TMEM245: variants seen among roughly 807,000 people sequenced by gnomAD.
TMEM245 encodes protein CG-2.
Under a neutral mutation model 101.2 loss-of-function variants are expected in TMEM245, and 69 were observed. That is an observed-to-expected ratio of 0.68 (90% CI 0.56 to 0.83). The LOEUF is 0.83. Ranked by LOEUF, TMEM245 falls within the 40% of genes least tolerant of loss-of-function variation. The pLI is 0.00. For synonymous variants in TMEM245, 537 were observed against 449.8 expected, an observed-to-expected ratio of 1.19 and a Z score of -2.45; for missense variants, 1,075 against 1,092.8, an observed-to-expected ratio of 0.98 and a Z score of 0.23.
chr9:109,050,739 A>C (rs556965162), intron 12 of TMEM245, 47 bp from the exon 13 acceptor site: 61 of 1,609,036 alleles, frequency 3.8e-5, no homozygotes, highest in Non-Finnish European at 5.1e-5. Context: ...CTCATGAAAA[A>C]AGTTTCTAGA....
intron 7 of TMEM245, among the ~76,000 whole-genome samples, chr9:109,082,770 T>C (rs1292610292): frequency 6.6e-6 from 1 of 152,092 alleles, no homozygotes; most frequent in Non-Finnish European, 1.5e-5. Flanking sequence ...AAAAACATAT[T>C]AGGTACATTA....
At chr9:109,022,075 C>G (rs374172681) in intron 17 of TMEM245, among the ~76,000 whole-genome samples, 3 of 152,258 alleles carry the variant, frequency 2.0e-5, no homozygotes, top group East Asian at 3.9e-4. Context: ...GGCCCATAGG[C>G]AAGGCAGAGA....
chr9:109,058,259 C>T (rs1828906236), intron 11 of TMEM245, among the ~76,000 whole-genome samples: 1 of 151,954 alleles, frequency 6.6e-6, no homozygotes, highest in African/African-American at 2.4e-5. Context: ...CCGCCTCAGC[C>T]TCCCAAAGTG....
intron 3 of TMEM245, among the ~76,000 whole-genome samples, chr9:109,097,698 C>T (rs892993544): frequency 5.3e-5 from 8 of 152,100 alleles, no homozygotes; most frequent in Non-Finnish European, 8.8e-5. Context: ...GCAGGTAGAC[C>T]ACCTGAGGCC....
chr9:109,065,369 C>T (rs1829136514), intron 9 of TMEM245, among the ~76,000 whole-genome samples: 1 of 119,038 alleles, frequency 8.4e-6, no homozygotes, highest in South Asian at 3.3e-4. Context: ...GCAATCTGTA[C>T]CTTAACAAAC....
At chr9:109,020,955 C>A (rs1198965320) in intron 17 of TMEM245, among the ~76,000 whole-genome samples, 1 of 152,132 alleles carries the variant, frequency 6.6e-6, no homozygotes, top group Non-Finnish European at 1.5e-5. Context: ...AATCGTAATC[C>A]AACAGAGAGT....
chr9:109,102,403 T>C (rs1032277719), intron 3 of TMEM245, among the ~76,000 whole-genome samples: 1 of 152,154 alleles, frequency 6.6e-6, no homozygotes, highest in Non-Finnish European at 1.5e-5. Flanking sequence ...ATTTATCAAA[T>C]AAAATAATAA....
chr9:109,081,276 C>T (rs1294721226), intron 7 of TMEM245, among the ~76,000 whole-genome samples: 1 of 152,062 alleles, frequency 6.6e-6, no homozygotes, highest in African/African-American at 2.4e-5. Context: ...TATTGACAAT[C>T]CATTAGCTGA....
At chr9:109,071,886 C>G (rs1022224022) in intron 9 of TMEM245, among the ~76,000 whole-genome samples, 1 of 152,058 alleles carries the variant, frequency 6.6e-6, no homozygotes, top group African/African-American at 2.4e-5. Flanking sequence ...CACAGAGATC[C>G]TATAAAACAG....
intron 9 of TMEM245, among the ~76,000 whole-genome samples, chr9:109,064,803 T>C (rs920170473): frequency 2.0e-5 from 3 of 152,178 alleles, no homozygotes; most frequent in Non-Finnish European, 4.4e-5. Flanking sequence ...ATTTTTGAGA[T>C]GGAGTTTCAC....
At chr9:109,086,807 A>G (rs935750352) in intron 6 of TMEM245, among the ~76,000 whole-genome samples, 4 of 152,234 alleles carry the variant, frequency 2.6e-5, no homozygotes, top group African/African-American at 9.6e-5. Context: ...GACTTAATAC[A>G]GTATCTGACA....
At chr9:109,092,004 G>A (rs1239761784) in intron 4 of TMEM245, among the ~76,000 whole-genome samples, 2 of 152,014 alleles carry the variant, frequency 1.3e-5, no homozygotes, top group Admixed American at 6.6e-5. Flanking sequence ...AGTATCATAC[G>A]TCAGAAAAAA....
chr9:109,036,078 CT>C (rs1293535153), intron 16 of TMEM245, 127 bp downstream of exon 16: 13 of 560,944 alleles, frequency 2.3e-5, no homozygotes, highest in Non-Finnish European at 3.4e-5. Flanking sequence ...ACACAAAAGG[CT>C]ATTTCACTGA....
chr9:109,072,908 A>G (rs960848395), intron 9 of TMEM245, among the ~76,000 whole-genome samples: 1 of 152,250 alleles, frequency 6.6e-6, no homozygotes, highest in Non-Finnish European at 1.5e-5. Context: ...TTTCCATGTT[A>G]TAGTGGAAAC....
chr9:109,071,032 C>G (rs1042888938), intron 9 of TMEM245, among the ~76,000 whole-genome samples: 1 of 152,026 alleles, frequency 6.6e-6, no homozygotes, highest in South Asian at 2.1e-4. Flanking sequence ...CAGGTGTGTG[C>G]CACACACCCA....
chr9:109,027,271 C>T (rs1827818321), intron 17 of TMEM245, among the ~76,000 whole-genome samples: 1 of 151,902 alleles, frequency 6.6e-6, no homozygotes, highest in Non-Finnish European at 1.5e-5. Flanking sequence ...CTCTGATATC[C>T]TCACCCCACC....
chr9:109,117,276 A>AT (rs11393993), intron 1 of TMEM245, among the ~76,000 whole-genome samples: 34,199 of 144,804 alleles, frequency 0.24, 4,163 homozygotes, highest in East Asian at 0.35. Flanking sequence ...CACCCAGCTA[A>AT]TTTTTTTTTT....
chr9:109,108,007 G>T (rs1830471986), intron 2 of TMEM245, among the ~76,000 whole-genome samples: 1 of 152,106 alleles, frequency 6.6e-6, no homozygotes, highest in South Asian at 2.1e-4. Flanking sequence ...ATTAGAAATA[G>T]GCTTTCATGT....
At chr9:109,042,624 A>T (rs2132350286) in intron 14 of TMEM245, 1 of 151,290 alleles carries the variant, frequency 6.6e-6, no homozygotes, top group South Asian at 2.1e-4. Context: ...CTTCATTCTG[A>T]CTCTCCTGCC....
Sources: gnomAD v4.1 joint callset for allele counts (sites outside exome capture counted in the v4.1 genomes callset) on GRCh38, gnomAD v4.1.1 for gene constraint, MANE v1.5 for transcripts, NCBI Gene and HGNC (gene_info 2026-07-23, HGNC 2026-07-21) for gene names.